AFF3: variants seen among roughly 807,000 people sequenced by gnomAD.
The protein encoded by AFF3 is AF4/FMR2 family member 3.
AFF3 carries 32 observed loss-of-function variants against 129.7 expected under a neutral mutation model. That is an observed-to-expected ratio of 0.25 (90% CI 0.19 to 0.33). The LOEUF is 0.33. AFF3 is among the 10% of genes least tolerant of loss of function. The pLI is 1.00. For missense variants in AFF3, 1,373 were observed against 1,592.0 expected (o/e 0.86, Z 2.34); for synonymous variants, 644 against 635.4 (o/e 1.01, Z -0.20).
chr2:99,759,368 TC>T (rs1320244318), intron 8 of AFF3, among the ~76,000 whole-genome samples: 1 of 152,168 alleles, frequency 6.6e-6, no homozygotes, highest in African/African-American at 2.4e-5. Flanking sequence ...ATTCTAATAA[TC>T]CCTTTCAAGA....
At chr2:99,931,537 A>C (rs1461615278) in intron 7 of AFF3, among the ~76,000 whole-genome samples, 1 of 152,190 alleles carries the variant, frequency 6.6e-6, no homozygotes, top group African/African-American at 2.4e-5. Flanking sequence ...TTTTTTCATT[A>C]ACTACTTAAA....
intron 7 of AFF3, among the ~76,000 whole-genome samples, chr2:99,884,929 A>G (rs1265970820): frequency 6.6e-6 from 1 of 152,038 alleles, no homozygotes; most frequent in Admixed American, 6.6e-5. Context: ...TTGTATTCCC[A>G]CATTTTTTGT....
intron 7 of AFF3, among the ~76,000 whole-genome samples, chr2:99,883,405 AC>A (rs1408663499): frequency 1.3e-5 from 2 of 152,216 alleles, no homozygotes; most frequent in African/African-American, 4.8e-5. Context: ...ATGCTATATG[AC>A]TGACAGCACC....
chr2:99,768,125 T>C (rs1420206683), intron 8 of AFF3, among the ~76,000 whole-genome samples: 1 of 152,238 alleles, frequency 6.6e-6, no homozygotes, highest in African/African-American at 2.4e-5. Flanking sequence ...CCCTGGTGGG[T>C]TTGGGACACA....
intron 13 of AFF3, among the ~76,000 whole-genome samples, chr2:99,612,257 T>A (rs941958336): frequency 2.0e-5 from 3 of 152,226 alleles, no homozygotes; most frequent in Non-Finnish European, 4.4e-5. Context: ...CCTCTCTCAA[T>A]ACTTCCAACC....
intron 16 of AFF3, among the ~76,000 whole-genome samples, chr2:99,583,508 G>C (rs1054603393): frequency 3.3e-5 from 5 of 152,000 alleles, no homozygotes; most frequent in African/African-American, 1.2e-4. Context: ...TCAGCCTCCT[G>C]AGTAGCAGGG....
chr2:99,762,155 C>T (rs887901565), intron 8 of AFF3, among the ~76,000 whole-genome samples: 1 of 147,796 alleles, frequency 6.8e-6, no homozygotes. Flanking sequence ...GATGGAGTCT[C>T]GCTCTGTCAC....
intron 7 of AFF3, among the ~76,000 whole-genome samples, chr2:99,868,755 G>A (rs943126809): frequency 3.9e-5 from 6 of 152,102 alleles, no homozygotes; most frequent in Non-Finnish European, 8.8e-5. Flanking sequence ...GTCTCTTTGT[G>A]CATAGAAGAA....
intron 4 of AFF3, among the ~76,000 whole-genome samples, chr2:100,056,059 T>TCACA (rs747714847): frequency 0.092 from 10,498 of 113,678 alleles, 482 homozygotes; most frequent in East Asian, 0.14. Context: ...TCGCTGTCTC[T>TCACA]CTCTCACACA....
intron 12 of AFF3, among the ~76,000 whole-genome samples, chr2:99,660,588 C>A (rs908280006): frequency 6.6e-6 from 1 of 152,212 alleles, no homozygotes; most frequent in Non-Finnish European, 1.5e-5. Context: ...GTATAATAAT[C>A]ACACAGTCTT....
intron 13 of AFF3, among the ~76,000 whole-genome samples, chr2:99,603,326 C>T (rs1680017434): frequency 6.6e-6 from 1 of 152,148 alleles, no homozygotes; most frequent in Non-Finnish European, 1.5e-5. Flanking sequence ...TGAACATGAA[C>T]ATCTGGGATC....
intron 8 of AFF3, among the ~76,000 whole-genome samples, chr2:99,762,109 T>C (rs896494177): frequency 2.6e-5 from 4 of 151,368 alleles, no homozygotes; most frequent in African/African-American, 4.9e-5. Context: ...CCTCCACTTA[T>C]ATATAATCAA....
chr2:99,675,487 C>T (rs1191603543), intron 11 of AFF3, among the ~76,000 whole-genome samples: 1 of 152,224 alleles, frequency 6.6e-6, no homozygotes, highest in Non-Finnish European at 1.5e-5. Context: ...GAACCCTTTG[C>T]TTTATTCTGA....
chr2:99,725,326 C>T (rs1679278722), intron 11 of AFF3, among the ~76,000 whole-genome samples: 1 of 151,650 alleles, frequency 6.6e-6, no homozygotes, highest in African/African-American at 2.4e-5. Flanking sequence ...GTAAAGCAAA[C>T]CAGTGCTTTT....
At chr2:100,006,200 G>A (rs1341355195) in intron 7 of AFF3, 1 of 153,412 alleles carries the variant, frequency 6.5e-6, no homozygotes, top group African/African-American at 2.4e-5. Context: ...AATGTTAAGA[G>A]TTTTGGAACT....
At chr2:99,611,645 G>T (rs1176783422) in intron 13 of AFF3, among the ~76,000 whole-genome samples, 1 of 152,050 alleles carries the variant, frequency 6.6e-6, no homozygotes, top group Non-Finnish European at 1.5e-5. Flanking sequence ...CAACACACTG[G>T]GGAGGCCGAG....
At position 99,814,560 on chromosome 2, in the gene AFF3, C is replaced by T. The variant is rs567870598; in HGVS notation, c.921+22917G>A. 3.3e-5 allele frequency among the ~76,000 whole-genome samples: 5 copies of T among 152,224 alleles called. No homozygotes were observed. The South Asian group carries it at 1.0e-3, about 32-fold the overall frequency. On this transcript the variant is annotated intron_variant, in intron 8 of 24. Transcript: ENST00000672756. ...AATCTTTCTGGAACCATGAAAACAT[C>T]CCACAAGAAAAAGAACCCTCCAATC...
At chr2:100,014,014 G>C (rs971542708) in intron 4 of AFF3, among the ~76,000 whole-genome samples, 3 of 152,020 alleles carry the variant, frequency 2.0e-5, no homozygotes, top group Non-Finnish European at 4.4e-5. Flanking sequence ...CTGCCCTCTG[G>C]CTGAGTCACA....
chr2:99,692,131 G>A (rs1210271729), intron 11 of AFF3, among the ~76,000 whole-genome samples: 3 of 152,218 alleles, frequency 2.0e-5, no homozygotes, highest in Non-Finnish European at 2.9e-5. Flanking sequence ...GCCAGGGTGG[G>A]TGTGGCTGCC....
Sources: allele counts gnomAD v4.1 joint callset (sites outside exome capture counted in the v4.1 genomes callset), GRCh38; gene constraint gnomAD v4.1.1; transcripts MANE v1.5; gene names NCBI Gene and HGNC (gene_info 2026-07-23, HGNC 2026-07-21).